Variants in NCOA1 observed in about 807,000 individuals in gnomAD.
NCOA1 encodes nuclear receptor coactivator 1.
Under a neutral mutation model 150.9 loss-of-function variants are expected in NCOA1, and 35 were observed. That is an observed-to-expected ratio of 0.23 (90% CI 0.18 to 0.31). The LOEUF (loss-of-function observed/expected upper bound fraction) is 0.31. NCOA1 is among the 10% of genes least tolerant of loss of function. The probability of loss-of-function intolerance (pLI) is 1.00; values close to 1 mark genes in which losing one functional copy is unlikely to be tolerated. For missense variants in NCOA1, 1,491 were observed against 1,749.3 expected, an observed-to-expected ratio of 0.85 and a Z score of 2.63; for synonymous variants, 590 against 630.0, an observed-to-expected ratio of 0.94 and a Z score of 0.95.
At chr2:24,589,974 C>A (rs765607244) in intron 3 of NCOA1, among the ~76,000 whole-genome samples, 18 of 151,984 alleles carry the variant, frequency 1.2e-4, no homozygotes, top group Non-Finnish European at 2.4e-4. Context: ...ATTGACAGGC[C>A]CCATGTTCTG....
chr2:24,666,814 G>C (rs1671452968), intron 6 of NCOA1, among the ~76,000 whole-genome samples: 1 of 152,048 alleles, frequency 6.6e-6, no homozygotes, highest in African/African-American at 2.4e-5. Context: ...TGTATTTTTA[G>C]TAGAGATGGG....
chr2:24,526,095 CATT>C (rs1262847613), intron 1 of NCOA1, among the ~76,000 whole-genome samples: 1 of 152,030 alleles, frequency 6.6e-6, no homozygotes, highest in Non-Finnish European at 1.5e-5. Flanking sequence ...TCTTGGATAT[CATT>C]GTTTTCAGAC....
intron 1 of NCOA1, among the ~76,000 whole-genome samples, chr2:24,516,956 G>GTA (rs1286859615): frequency 6.9e-5 from 1 of 14,418 alleles, no homozygotes; most frequent in African/African-American, 9.5e-5. Context: ...ATATATACAA[G>GTA]TATATATACG....
chr2:24,599,714 G>A lies in NCOA1; in HGVS notation c.-175+15154G>A, dbSNP rs899769221. On this transcript the variant is annotated intron_variant, in intron 3 of 22. Coordinates refer to ENST00000348332, the MANE Select transcript of NCOA1 (RefSeq NM_003743.5). ...TACAGCCCTTCTACTATTTTATTAT[G>A]TATGATTGATCTTTTTTTTTTTTTT... Among the ~76,000 whole-genome samples the A allele has an allele frequency of 2.1e-5, 3 of 141,880 alleles. No homozygotes were observed. The Admixed American group carries it at 2.3e-4, about 11-fold the overall frequency. The allele number at this position is 141,880 out of a possible 152,430, so 93.1% of individuals were successfully genotyped here. A position where few individuals can be genotyped will look rare whatever the true frequency, so the allele number is the denominator to read the frequency against.
chr2:24,720,260 G>A (rs1043510189), intron 14 of NCOA1, among the ~76,000 whole-genome samples: 1 of 152,238 alleles, frequency 6.6e-6, no homozygotes, highest in Non-Finnish European at 1.5e-5. Flanking sequence ...GTGACTGGAA[G>A]GGGTGAGGCA....
chr2:24,593,976 G>A (rs1667775644), intron 3 of NCOA1, among the ~76,000 whole-genome samples: 1 of 152,022 alleles, frequency 6.6e-6, no homozygotes, highest in Admixed American at 6.6e-5. Context: ...ACAGAAATAA[G>A]GATCCAGAAG....
At chr2:24,554,945 A>G (rs1308536762) in intron 1 of NCOA1, among the ~76,000 whole-genome samples, 1 of 152,184 alleles carries the variant, frequency 6.6e-6, no homozygotes, top group Non-Finnish European at 1.5e-5. Flanking sequence ...GAGGTTCCCA[A>G]TATGAAGCGT....
At chr2:24,521,241 C>T (rs561884869) in intron 1 of NCOA1, among the ~76,000 whole-genome samples, 12 of 152,132 alleles carry the variant, frequency 7.9e-5, no homozygotes, top group Non-Finnish European at 1.5e-4. Flanking sequence ...GGTCACCTCA[C>T]ATATGTTTTT....
At chr2:24,519,253 C>T (rs909830952) in intron 1 of NCOA1, among the ~76,000 whole-genome samples, 2 of 152,036 alleles carry the variant, frequency 1.3e-5, no homozygotes, top group Non-Finnish European at 2.9e-5. Context: ...CTGATACGTG[C>T]TACAACATGG....
intron 1 of NCOA1, among the ~76,000 whole-genome samples, chr2:24,520,640 A>G (rs1384985250): frequency 6.6e-6 from 1 of 152,154 alleles, no homozygotes; most frequent in East Asian, 1.9e-4. Context: ...TGCACAAGGA[A>G]ACTTATGAGA....
intron 1 of NCOA1, among the ~76,000 whole-genome samples, chr2:24,519,684 G>T (rs1365547429): frequency 6.6e-6 from 1 of 151,000 alleles, no homozygotes; most frequent in Non-Finnish European, 1.5e-5. Context: ...AGCTGGGTTA[G>T]GTGGTGCATG....
At chr2:24,681,016 T>TA (rs1485761302) in intron 7 of NCOA1, among the ~76,000 whole-genome samples, 16 of 149,712 alleles carry the variant, frequency 1.1e-4, no homozygotes, top group South Asian at 2.1e-4. Context: ...TCCTTGATTT[T>TA]AAAAAAAATG....
chr2:24,755,219 A>G (rs1664441773), intron 20 of NCOA1, among the ~76,000 whole-genome samples: 1 of 152,254 alleles, frequency 6.6e-6, no homozygotes, highest in Non-Finnish European at 1.5e-5. Flanking sequence ...GAATGATGTA[A>G]TAGAGTTCAG....
chr2:24,631,927 A>G (rs919634736), intron 3 of NCOA1, among the ~76,000 whole-genome samples: 1 of 152,184 alleles, frequency 6.6e-6, no homozygotes, highest in African/African-American at 2.4e-5. Context: ...AAATTCACGA[A>G]AAAATTAAGG....
intron 3 of NCOA1, among the ~76,000 whole-genome samples, chr2:24,598,682 AAAAAC>A: frequency 6.6e-6 from 1 of 152,306 alleles, no homozygotes; most frequent in South Asian, 2.1e-4. Flanking sequence ...GGAGAATTAA[AAAAAC>A]AAAAACAAAA....
rs942145000 is a variant in NCOA1, at chr2:24,642,037, T to TGTGTGTGTGTGCGCGC, written c.-174-1928_-174-1927insTGTGTGTGTGCGCGCG. On this transcript the variant is annotated intron_variant, in intron 3 of 22. Coordinates refer to ENST00000348332, the MANE Select transcript of NCOA1 (RefSeq NM_003743.5). ...GTGTGTGTGTGTGTGTGTGTGTGTG[T>TGTGTGTGTGTGCGCGC]GCGCGCGTGCGTATGTGTGTGTGTA... Among the ~76,000 whole-genome samples, 220 of 138,550 alleles carry TGTGTGTGTGTGCGCGC rather than the reference T, an allele frequency of 1.6e-3. 1 individual carries two copies. The highest frequency in any genetic ancestry group is 3.7e-3 in the African/African-American group (145 of 39,150). 90.9% of individuals were successfully genotyped at this position (138,550 alleles called of 152,430 possible). A position where few individuals can be genotyped will look rare whatever the true frequency, so the allele number is the denominator to read the frequency against.
intron 3 of NCOA1, among the ~76,000 whole-genome samples, chr2:24,626,888 T>C (rs1384676660): frequency 1.3e-5 from 2 of 152,142 alleles, no homozygotes; most frequent in African/African-American, 4.8e-5. Context: ...TGTTTTCTTT[T>C]CTCCTATTAG....
At chr2:24,563,508 C>G (rs1334453339) in intron 1 of NCOA1, among the ~76,000 whole-genome samples, 1 of 151,870 alleles carries the variant, frequency 6.6e-6, no homozygotes, top group Non-Finnish European at 1.5e-5. Context: ...TAGCAAAAGC[C>G]AGTAAATCTC....
intron 3 of NCOA1, among the ~76,000 whole-genome samples, chr2:24,595,932 C>T (rs1238000631): frequency 7.2e-5 from 11 of 152,092 alleles, no homozygotes; most frequent in East Asian, 1.9e-4. Flanking sequence ...TATATGGAAG[C>T]CCCTGTAGTT....
Sources: allele counts gnomAD v4.1 joint callset (sites outside exome capture counted in the v4.1 genomes callset), GRCh38; gene constraint gnomAD v4.1.1; transcripts MANE v1.5; gene names NCBI Gene and HGNC (gene_info 2026-07-23, HGNC 2026-07-21).